The following GOLM1 variants were observed in gnomAD, a reference collection of about 807,000 sequenced individuals.
GOLM1 encodes the protein golgi membrane protein 1, also known as epididymis luminal protein 46.
Under a neutral mutation model 50.5 loss-of-function variants are expected in GOLM1, and 31 were observed. That is an observed-to-expected ratio of 0.61 (90% CI 0.46 to 0.83). The LOEUF (loss-of-function observed/expected upper bound fraction) is 0.83, where lower values mean the gene tolerates loss of function less well. Ranked by LOEUF, GOLM1 falls within the 40% of genes least tolerant of loss-of-function variation. GOLM1 has a pLI of 0.00. For missense variants in GOLM1, 491 were observed against 501.3 expected (o/e 0.98, Z 0.20); for synonymous variants, 178 against 192.8 (o/e 0.92, Z 0.64).
chr9:86,067,725 G>A (rs1472086335), intron 3 of GOLM1, among the ~76,000 whole-genome samples: 1 of 152,166 alleles, frequency 6.6e-6, no homozygotes, highest in Non-Finnish European at 1.5e-5. Context: ...AGGGTTGGCC[G>A]GGCGCAGTGG....
chr9:86,077,056 C>T (rs1004041093), intron 3 of GOLM1, among the ~76,000 whole-genome samples: 1 of 151,826 alleles, frequency 6.6e-6, no homozygotes, highest in South Asian at 2.1e-4. Flanking sequence ...TTATTTTTCT[C>T]TGAGATATAA....
At chr9:86,052,988 GACACACCAAACCACACCAC>G (rs1833811670) in intron 3 of GOLM1, among the ~76,000 whole-genome samples, 1 of 43,596 alleles carries the variant, frequency 2.3e-5, no homozygotes, top group Non-Finnish European at 4.7e-5. Flanking sequence ...ACCACACCAC[GACACACCAAACCACACCAC>G]ACACACCACT....
intron 1 of GOLM1, among the ~76,000 whole-genome samples, chr9:86,089,330 G>A: frequency 6.6e-6 from 1 of 152,128 alleles, no homozygotes; most frequent in East Asian, 1.9e-4. Context: ...AAGTTCTCCT[G>A]GATAATATCC....
chr9:86,038,557 T>C (rs1833228464), intron 6 of GOLM1, among the ~76,000 whole-genome samples: 1 of 152,274 alleles, frequency 6.6e-6, no homozygotes, highest in East Asian at 1.9e-4. Flanking sequence ...GAGTGGGTAC[T>C]GAAGAGAAGC....
chr9:86,053,534 C>CACAG (rs1472431262), intron 3 of GOLM1, among the ~76,000 whole-genome samples: 1 of 127,742 alleles, frequency 7.8e-6, no homozygotes, highest in Non-Finnish European at 1.8e-5. Flanking sequence ...CCACTCCACA[C>CACAG]CAAACCACAC....
intron 3 of GOLM1, among the ~76,000 whole-genome samples, chr9:86,076,421 C>CA (rs58193076): frequency 0.064 from 1,486 of 23,330 alleles, 301 homozygotes; most frequent in Non-Finnish European, 0.093. Flanking sequence ...AACCCCATCT[C>CA]AAAAAAAAAA....
chr9:86,035,671 TAAAAAAAAAAA>T (rs375193474), intron 7 of GOLM1, 46 bp from the exon 8 acceptor site: 36 of 873,114 alleles, frequency 4.1e-5, no homozygotes, highest in African/African-American at 4.7e-5. Flanking sequence ...GCATTTGATT[TAAAAAAAAAAA>T]AAAAAAAAAA....
chr9:86,084,652 TATAAAAAATTATTTG>T (rs1159183791), intron 1 of GOLM1, among the ~76,000 whole-genome samples: 2 of 152,200 alleles, frequency 1.3e-5, no homozygotes, highest in African/African-American at 4.8e-5. Flanking sequence ...GTCTAAACTA[TATAAAAAATTATTTG>T]ATAGATCTTA....
chr9:86,065,971 C>T (rs1054444883), intron 3 of GOLM1, among the ~76,000 whole-genome samples: 4 of 152,108 alleles, frequency 2.6e-5, no homozygotes, highest in African/African-American at 4.8e-5. Flanking sequence ...ACCCGGGAGG[C>T]GGAGGTTGCA....
intron 3 of GOLM1, among the ~76,000 whole-genome samples, chr9:86,056,653 C>G (rs189922913): frequency 3.3e-5 from 5 of 151,696 alleles, no homozygotes; most frequent in South Asian, 4.2e-4. Flanking sequence ...CTACAGGCGC[C>G]CGCCACCACG....
intron 5 of GOLM1, among the ~76,000 whole-genome samples, chr9:86,043,538 T>C (rs536436758): frequency 7.2e-5 from 11 of 152,340 alleles, no homozygotes; most frequent in African/African-American, 2.6e-4. Context: ...GTACTTTTTA[T>C]CAGATTCTCT....
intron 1 of GOLM1, among the ~76,000 whole-genome samples, chr9:86,093,871 T>C (rs1425031995): frequency 6.6e-6 from 1 of 152,220 alleles, no homozygotes; most frequent in Non-Finnish European, 1.5e-5. Context: ...AGCAATCGCG[T>C]CAGATTAGCA....
chr9:86,093,896 C>T (rs1335140784), intron 1 of GOLM1, among the ~76,000 whole-genome samples: 1 of 152,216 alleles, frequency 6.6e-6, no homozygotes, highest in Non-Finnish European at 1.5e-5. Context: ...TGACCAACAT[C>T]AACCAGTGCA....
At chr9:86,039,926 C>A (rs1833280246) in intron 6 of GOLM1, among the ~76,000 whole-genome samples, 1 of 151,244 alleles carries the variant, frequency 6.6e-6, no homozygotes, top group East Asian at 1.9e-4. Context: ...TGAGATCGCG[C>A]CACTGCACTC....
At chr9:86,065,360 C>T (rs1563961481) in intron 3 of GOLM1, among the ~76,000 whole-genome samples, 1 of 152,124 alleles carries the variant, frequency 6.6e-6, no homozygotes, top group South Asian at 2.1e-4. Context: ...CCCGGAAAAT[C>T]GGTGAGAATA....
chr9:86,085,521 G>A (rs975914170), intron 1 of GOLM1, among the ~76,000 whole-genome samples: 2 of 135,012 alleles, frequency 1.5e-5, no homozygotes, highest in African/African-American at 5.5e-5. Flanking sequence ...GGATACATGT[G>A]CAAAACGTGC....
At chr9:86,087,060 G>A (rs189619344) in intron 1 of GOLM1, among the ~76,000 whole-genome samples, 43 of 152,190 alleles carry the variant, frequency 2.8e-4, no homozygotes, top group African/African-American at 9.4e-4. Context: ...CCATTTTCAC[G>A]ATATTGATTC....
intron 3 of GOLM1, among the ~76,000 whole-genome samples, chr9:86,067,137 T>A (rs909244970): frequency 2.0e-5 from 3 of 152,148 alleles, no homozygotes; most frequent in Non-Finnish European, 2.9e-5. Context: ...CATTTCGCCA[T>A]GCTGACTGAA....
At chr9:86,059,186 C>T (rs2118775518) in intron 3 of GOLM1, among the ~76,000 whole-genome samples, 1 of 152,244 alleles carries the variant, frequency 6.6e-6, no homozygotes, top group African/African-American at 2.4e-5. Flanking sequence ...AACAATCCCA[C>T]TTGTAGGTGT....
Sources: gnomAD v4.1 joint callset for allele counts (sites outside exome capture counted in the v4.1 genomes callset) on GRCh38, gnomAD v4.1.1 for gene constraint, MANE v1.5 for transcripts, NCBI Gene and HGNC (gene_info 2026-07-23, HGNC 2026-07-21) for gene names.